LDLRAD4: variants seen among roughly 807,000 people sequenced by gnomAD.
LDLRAD4 encodes low-density lipoprotein receptor class A domain-containing protein 4.
LDLRAD4 carries 5 observed loss-of-function variants against 17.0 expected under a neutral mutation model. The observed-to-expected ratio is 0.29, with a 90% CI of 0.15 to 0.62. LDLRAD4 has a LOEUF of 0.62. LDLRAD4 is among the 20% of genes least tolerant of loss of function. The pLI is 0.84. For synonymous variants in LDLRAD4, 168 were observed against 171.8 expected, an observed-to-expected ratio of 0.98 and a Z score of 0.17; for missense variants, 340 against 424.7, an observed-to-expected ratio of 0.80 and a Z score of 1.75.
At chr18:13,254,459 G>A (rs1053570368) in intron 1 of LDLRAD4, among the ~76,000 whole-genome samples, 30 of 152,194 alleles carry the variant, frequency 2.0e-4, no homozygotes, top group Admixed American at 1.3e-3. Context: ...CAGGGCTGGC[G>A]CGGACAGAGA....
In LDLRAD4 at chr18:13,527,106, C is replaced by G. The variant is rs920449731; in HGVS notation, c.181+88722C>G. On this transcript the variant is annotated intron_variant, in intron 3 of 5. Coordinates refer to ENST00000359446, the Ensembl canonical transcript of LDLRAD4. The stretch of plus-strand genomic sequence containing the variant: ...TGCTGACTGGGCTGGAACCTCATGT[C>G]CTGGTGCAGGTTCCCTGTAAGACAC... Among the ~76,000 whole-genome samples, 16 of 152,354 alleles carry G rather than the reference C, an allele frequency of 1.1e-4. No individual in the cohort carries two copies. The East Asian group carries it at 2.9e-3, about 28-fold the overall frequency.
chr18:13,329,667 G>A (rs182873535), intron 1 of LDLRAD4, among the ~76,000 whole-genome samples: 5 of 152,080 alleles, frequency 3.3e-5, no homozygotes, highest in East Asian at 3.9e-4. Context: ...TACCCAAATC[G>A]TTTATCTTTG....
intron 3 of LDLRAD4, among the ~76,000 whole-genome samples, chr18:13,588,572 TTA>T (rs778195618): frequency 4.7e-5 from 7 of 149,688 alleles, no homozygotes; most frequent in Non-Finnish European, 7.4e-5. Context: ...CCTTAGCATG[TTA>T]TTTTTTTTAG....
Position 13,300,021 on chromosome 18 carries a change from T to C in LDLRAD4, c.-383+21833T>C, listed in dbSNP as rs1243177423. On this transcript the variant is annotated intron_variant, in intron 1 of 5. Coordinates refer to ENST00000359446, the Ensembl canonical transcript of LDLRAD4. The surrounding 1 kb of genome is among the most constrained non-coding windows in gnomAD (Gnocchi z 4.2). Reference sequence around the variant, plus strand: ...GGTGCCTGCACACATCAGCCTCTCATGGCTCAGTTGCTGGCTTTGTGTGAA... The same window carrying C: ...GGTGCCTGCACACATCAGCCTCTCACGGCTCAGTTGCTGGCTTTGTGTGAA... Among the ~76,000 whole-genome samples the C allele has an allele frequency of 6.6e-6, 1 of 152,216 alleles. No individual in the cohort carries two copies. Among genetic ancestry groups the C allele is most frequent in the Non-Finnish European group, 1.5e-5 (1 of 68,030 alleles).
At chr18:13,595,090 C>T (rs2095078765) in intron 3 of LDLRAD4, among the ~76,000 whole-genome samples, 1 of 151,830 alleles carries the variant, frequency 6.6e-6, no homozygotes. Flanking sequence ...TAATGTTGCC[C>T]CTTTCATTCC....
chr18:13,536,259 C>T (rs1422568115), intron 3 of LDLRAD4, among the ~76,000 whole-genome samples: 2 of 152,142 alleles, frequency 1.3e-5, no homozygotes, highest in African/African-American at 4.8e-5. Context: ...TAGTGAATCT[C>T]GCAATTCATT....
Position 13,313,338 on chromosome 18 carries a change from G to A in LDLRAD4, c.-383+35150G>A, listed in dbSNP as rs566063214. Among the ~76,000 whole-genome samples the A allele has an allele frequency of 6.6e-5, 10 of 152,266 alleles. No homozygotes were observed. In the East Asian group the frequency reaches 1.9e-3, roughly 29 times the overall value. ...GGCTGAGGTGTTATTCCCTAGCTCT[G>A]ACTGCAAGAAACCAATTCCTTCCCC... is the stretch of plus-strand genomic sequence containing the variant. On this transcript the variant is annotated intron_variant, in intron 1 of 5. Transcript: ENST00000359446.
intron 3 of LDLRAD4, among the ~76,000 whole-genome samples, chr18:13,607,042 T>G (rs1380870090): frequency 6.6e-6 from 1 of 152,344 alleles, no homozygotes. Flanking sequence ...TAAGTCATCA[T>G]CAGTCCACTG....
At chr18:13,320,655 A>G (rs542374941) in intron 1 of LDLRAD4, among the ~76,000 whole-genome samples, 34 of 152,266 alleles carry the variant, frequency 2.2e-4, no homozygotes, top group African/African-American at 7.2e-4. Flanking sequence ...GACGGTGAGG[A>G]AGGTCACTGC....
At chr18:13,248,002 C>T (rs1479516033) in intron 1 of LDLRAD4, among the ~76,000 whole-genome samples, 1 of 143,964 alleles carries the variant, frequency 6.9e-6, no homozygotes, top group African/African-American at 2.6e-5. Flanking sequence ...CCTCTCTTGC[C>T]CAGGCTGGAG....
chr18:13,586,862 TAAA>T (rs61241675), intron 3 of LDLRAD4, among the ~76,000 whole-genome samples: 6 of 104,180 alleles, frequency 5.8e-5, no homozygotes, highest in Non-Finnish European at 4.1e-5. Context: ...ACTCTGAATC[TAAA>T]AAAAAAAAAA....
intron 3 of LDLRAD4, among the ~76,000 whole-genome samples, chr18:13,452,964 T>A (rs903803833): frequency 1.3e-5 from 2 of 151,616 alleles, no homozygotes; most frequent in East Asian, 1.9e-4. Flanking sequence ...CTACATGGAA[T>A]GCTGCTTTCC....
chr18:13,332,758 G>A (rs1555650842), intron 1 of LDLRAD4, among the ~76,000 whole-genome samples: 1 of 139,478 alleles, frequency 7.2e-6, no homozygotes, highest in Non-Finnish European at 1.5e-5. Context: ...TTTTTTTTTG[G>A]TGGTGAATAA....
chr18:13,404,714 C>T (rs981174108), intron 2 of LDLRAD4, among the ~76,000 whole-genome samples: 10 of 151,598 alleles, frequency 6.6e-5, no homozygotes, highest in African/African-American at 1.9e-4. Flanking sequence ...AGGAGAATGG[C>T]GTGAACCCGG....
chr18:13,468,282 A>G (rs1051936677), intron 3 of LDLRAD4, among the ~76,000 whole-genome samples: 1 of 152,220 alleles, frequency 6.6e-6, no homozygotes, highest in Non-Finnish European at 1.5e-5. Flanking sequence ...AAGGACTGCA[A>G]ATCAAAACCC....
intron 3 of LDLRAD4, among the ~76,000 whole-genome samples, chr18:13,576,822 C>T (rs950410242): frequency 6.6e-6 from 1 of 152,208 alleles, no homozygotes; most frequent in Non-Finnish European, 1.5e-5. Flanking sequence ...ATAGAGATGG[C>T]GACAGTGTGG....
At position 13,621,190 on chromosome 18, in the gene LDLRAD4, G is replaced by A. The variant is rs1486209556; in HGVS notation, c.255G>A (p.Leu85=). ...TGATGGTGGTGGTCATCGTCTGCCT[G>A]CTGAACCACTACAAAGTCTCCACGC... Residue 85 remains leucine (L), a synonymous_variant, in exon 4 of 6, where the codon CTG becomes CTA. Coordinates refer to ENST00000359446, the Ensembl canonical transcript of LDLRAD4. This position sits in a 1 kb window ranked among gnomAD's most constrained non-coding sequence, Gnocchi z 5.5. 6.2e-7 allele frequency: 1 copy of A among 1,614,188 alleles called. No homozygotes were observed. The highest frequency in any genetic ancestry group is 8.5e-7 in the Non-Finnish European group (1 of 1,180,048).
chr18:13,463,720 G>A (rs1000873591), intron 3 of LDLRAD4, among the ~76,000 whole-genome samples: 1 of 152,194 alleles, frequency 6.6e-6, no homozygotes. Flanking sequence ...AGCCCTGCAT[G>A]AGGACCTGTG....
At chr18:13,510,374 G>GT (rs1172507689) in intron 3 of LDLRAD4, among the ~76,000 whole-genome samples, 4 of 152,176 alleles carry the variant, frequency 2.6e-5, no homozygotes, top group Non-Finnish European at 4.4e-5. Context: ...TTTCTCTTCT[G>GT]TACAAGGCTG....
Sources: allele counts gnomAD v4.1 joint callset (sites outside exome capture counted in the v4.1 genomes callset), GRCh38; gene constraint gnomAD v4.1.1; non-coding constraint Gnocchi (gnomAD v3.1); transcripts MANE v1.5; gene names NCBI Gene and HGNC (gene_info 2026-07-23, HGNC 2026-07-21).